CHST3: variants seen among roughly 807,000 people sequenced by gnomAD.
CHST3 encodes the protein carbohydrate sulfotransferase 3.
In CHST3, 20 loss-of-function variants were observed where a neutral mutation model predicts 35.4. The observed-to-expected ratio is 0.57, with a 90% CI of 0.40 to 0.82. CHST3 has a LOEUF of 0.82. Ranked by LOEUF, CHST3 falls within the 40% of genes least tolerant of loss-of-function variation. The pLI, the probability that CHST3 is intolerant of heterozygous loss-of-function variation, is 0.00. For synonymous variants in CHST3, 334 were observed against 295.9 expected, an observed-to-expected ratio of 1.13 and a Z score of -1.32; for missense variants, 693 against 670.1, an observed-to-expected ratio of 1.03 and a Z score of -0.38.
intron 1 of CHST3, among the ~76,000 whole-genome samples, chr10:71,984,037 T>G (rs559559937): frequency 5.9e-5 from 9 of 152,344 alleles, no homozygotes; most frequent in African/African-American, 2.2e-4. Flanking sequence ...TGTTTGTTTG[T>G]TTTGAGACAC....
At chr10:71,970,183 G>A (rs1453885017) in intron 1 of CHST3, among the ~76,000 whole-genome samples, 1 of 152,090 alleles carries the variant, frequency 6.6e-6, no homozygotes, top group Admixed American at 6.5e-5. Flanking sequence ...GGGCAGGGTG[G>A]GCCCCGGGAG....
At chr10:71,967,567 T>G (rs1017216699) in intron 1 of CHST3, among the ~76,000 whole-genome samples, 3 of 152,236 alleles carry the variant, frequency 2.0e-5, no homozygotes. Context: ...CTTTATCTGG[T>G]CTACCGTTGA....
rs1409087120 is a variant in CHST3, at chr10:72,013,147, A to G, written c.*4676A>G. 1 of 152,176 alleles carries G rather than the reference A, an allele frequency of 6.6e-6. No homozygotes were observed. Among genetic ancestry groups the G allele is most frequent in the East Asian group, 1.9e-4 (1 of 5,202 alleles). The allele number at this position is 152,176 out of a possible 1,614,324, so 9.4% of individuals were successfully genotyped here. ...CATCTCAGCTGTATATTCTAGTCCAAATTTTCCTGGCTCCCCTGCTCCCTC... is the reference window on the plus strand; with the variant it reads ...CATCTCAGCTGTATATTCTAGTCCAGATTTTCCTGGCTCCCCTGCTCCCTC... On this transcript the variant is annotated 3_prime_UTR_variant, in exon 3 of 3. Coordinates refer to ENST00000373115, the MANE Select transcript of CHST3 (RefSeq NM_004273.5).
chr10:72,012,789 G>T lies in CHST3; in HGVS notation c.*4318G>T, dbSNP rs1387730042. 2 of 152,316 alleles carry T rather than the reference G, an allele frequency of 1.3e-5. No homozygotes were observed. The highest frequency in any genetic ancestry group is 2.9e-5 in the Non-Finnish European group (2 of 68,126). The allele number at this position is 152,316 out of a possible 1,614,324, so 9.4% of individuals were successfully genotyped here. A position where few individuals can be genotyped will look rare whatever the true frequency, so the allele number is the denominator to read the frequency against. Reference sequence around the variant, plus strand: ...ACAAGGCGCAGCCAGATGGAAGGGAGAGGGTCCAGGGCTTCCTAAATGCAG... The same window carrying T: ...ACAAGGCGCAGCCAGATGGAAGGGATAGGGTCCAGGGCTTCCTAAATGCAG... On this transcript the variant is annotated 3_prime_UTR_variant, in exon 3 of 3. Transcript: ENST00000373115.
chr10:71,967,142 A>T (rs540321237), intron 1 of CHST3, among the ~76,000 whole-genome samples: 1 of 152,128 alleles, frequency 6.6e-6, no homozygotes. Context: ...AGCTGGCACC[A>T]CCATGCCTGA....
rs76034296 is a variant in CHST3, at chr10:71,996,905, T to G, written c.-107-8831T>G. Among the ~76,000 whole-genome samples the G allele has an allele frequency of 1.7e-4, 26 of 152,090 alleles. 1 individual carries two copies. In the East Asian group the frequency reaches 4.3e-3, roughly 25 times the overall value. On this transcript the variant is annotated intron_variant, in intron 1 of 2. Coordinates refer to ENST00000373115, the MANE Select transcript of CHST3 (RefSeq NM_004273.5). ...GGGTATTTTCCTGGGTTGGTTGGTT[T>G]GTTTTGTTTTTTGTTTTGTTTTGTT...
intron 1 of CHST3, among the ~76,000 whole-genome samples, 152 bp downstream of exon 1, chr10:71,964,846 G>C (rs1262235377): frequency 6.6e-6 from 1 of 152,210 alleles, no homozygotes; most frequent in East Asian, 1.9e-4. Flanking sequence ...TCCCAGCTCG[G>C]GGAAAAGCCC....
rs780204389 is a variant in CHST3 at position 72,007,885 on chromosome 10, C to T, written c.854C>T (p.Pro285Leu). ...VRIRQLEFLQ[P>L]LAEDPRLDLR... ...ATCCGGCAGCTGGAGTTCCTGCAGCCGCTGGCCGAGGACCCCCGCCTGGAC... is the reference window on the plus strand; with the variant it reads ...ATCCGGCAGCTGGAGTTCCTGCAGCTGCTGGCCGAGGACCCCCGCCTGGAC... The change falls in exon 3 of 3, where the codon CCG becomes CTG. Residue 285 changes from proline to leucine, a missense_variant. Coordinates refer to ENST00000373115, the MANE Select transcript of CHST3 (RefSeq NM_004273.5). 3.8e-6 allele frequency: 6 copies of T among 1,587,312 alleles called. No homozygotes were observed. In the East Asian group the frequency reaches 6.9e-5, roughly 18 times the overall value.
chr10:71,989,608 A>T (rs1271442444), intron 1 of CHST3, among the ~76,000 whole-genome samples: 2 of 152,214 alleles, frequency 1.3e-5, no homozygotes, highest in African/African-American at 4.8e-5. Context: ...ATTGGGACAC[A>T]ACTCCATATG....
rs12248756 is a variant in CHST3 at position 71,977,545 on chromosome 10, C to G, written c.-108+12851C>G. Among the ~76,000 whole-genome samples, 783 of 151,340 alleles carry G rather than the reference C, an allele frequency of 5.2e-3. 10 individuals carry two copies. Among genetic ancestry groups the G allele is most frequent in the African/African-American group, 0.018 (742 of 41,120 alleles). On this transcript the variant is annotated intron_variant, in intron 1 of 2. Coordinates refer to ENST00000373115, the MANE Select transcript of CHST3 (RefSeq NM_004273.5). ...GCTCACTGCAGCCTTGACCTCCCAA[C>G]CTCAAGTGATCCTCCCACCTCAGCC...
chr10:72,000,342 C>T (rs554391244), intron 1 of CHST3, among the ~76,000 whole-genome samples: 4 of 152,176 alleles, frequency 2.6e-5, no homozygotes, highest in South Asian at 2.1e-4. Flanking sequence ...TCTCCTCTCC[C>T]GGAGTCAACG....
chr10:72,007,126 G>T (rs763906569), intron 2 of CHST3, 46 bp from the exon 3 acceptor site: 1 of 1,603,926 alleles, frequency 6.2e-7, no homozygotes, highest in Admixed American at 1.7e-5. Flanking sequence ...CCCAGGAGAC[G>T]GGGTCCCCAG....
chr10:71,976,159 A>T (rs958457766), intron 1 of CHST3, among the ~76,000 whole-genome samples: 1 of 152,142 alleles, frequency 6.6e-6, no homozygotes, highest in Non-Finnish European at 1.5e-5. Context: ...GGGTAGGAGA[A>T]AAGCTCTTGG....
Position 72,008,204 on chromosome 10 carries a change from C to A in CHST3, c.1173C>A (p.Ile391=), listed in dbSNP as rs115579748. The change falls in exon 3 of 3, where the codon ATC becomes ATA. Residue 391 remains isoleucine, a synonymous_variant. Transcript: ENST00000373115. ...KAREMYRFAG[I]PLTPQVEDWI... is the part of the protein sequence containing the mutation. The stretch of plus-strand genomic sequence containing the variant: ...GCGAGATGTACCGCTTCGCCGGCAT[C>A]CCCCTGACCCCGCAGGTGGAAGACT... 1.4e-3 allele frequency: 2,207 copies of A among 1,551,900 alleles called. 32 individuals are homozygous for A. The African/African-American group carries it at 0.026, about 18-fold the overall frequency.
In CHST3 at chr10:72,008,492, C is replaced by A. The variant is rs1320999930; in HGVS notation, c.*21C>A. The A allele has an allele frequency of 1.2e-5, 18 of 1,496,024 alleles. No individual in the cohort carries two copies. The highest frequency in any genetic ancestry group is 1.6e-5 in the Non-Finnish European group (18 of 1,121,336). 92.7% of individuals were successfully genotyped at this position (1,496,024 alleles called of 1,614,324 possible). A position where few individuals can be genotyped will look rare whatever the true frequency, so the allele number is the denominator to read the frequency against. ...CGTAGGGGGGCCGGGGCCCCGTATG[C>A]CCCTCCTCGTGAAAGGCCTGCCCCG... On this transcript the variant is annotated 3_prime_UTR_variant, in exon 3 of 3. Transcript: ENST00000373115.
At position 72,005,868 on chromosome 10, in the gene CHST3, A is replaced by T. The variant is rs1840033461; in HGVS notation, c.26A>T (p.Gln9Leu). The T allele has an allele frequency of 6.2e-7, 1 of 1,614,232 alleles. No homozygotes were observed. The change falls in exon 2 of 3, where the codon CAG becomes CTG. Residue 9 changes from glutamine to leucine, a missense_variant. Coordinates refer to ENST00000373115, the MANE Select transcript of CHST3 (RefSeq NM_004273.5). The stretch of plus-strand genomic sequence containing the variant: ...ATGGAGAAAGGACTCACTTTGCCCC[A>T]GGACTGCCGGGACTTTGTGCACAGC... MEKGLTLPQDCRDFVHSLK... is the reference protein window; with the variant it reads MEKGLTLPLDCRDFVHSLK...
At position 72,007,668 on chromosome 10, in the gene CHST3, G is replaced by A. The variant is rs1186050193; in HGVS notation, c.637G>A (p.Asp213Asn). The A allele has an allele frequency of 6.2e-7, 1 of 1,609,160 alleles. No homozygotes were observed. Among genetic ancestry groups the A allele is most frequent in the Non-Finnish European group, 8.5e-7 (1 of 1,179,548 alleles). The change falls in exon 3 of 3, where the codon GAC becomes AAC. Residue 213 changes from aspartate to asparagine, a missense_variant. Physicochemically the swap from Asp to Asn is conservative, Grantham distance 23 (BLOSUM62 1). Transcript: ENST00000373115. ...LEHFITPLPE[D>N]HLTQFMFRRG... ...GCACTTCATCACGCCGCTGCCCGAGGACCACCTGACTCAGTTCATGTTCCG... is the reference window on the plus strand; with the variant it reads ...GCACTTCATCACGCCGCTGCCCGAGAACCACCTGACTCAGTTCATGTTCCG...
intron 1 of CHST3, among the ~76,000 whole-genome samples, chr10:71,977,448 ATT>A (rs10554998): frequency 0.36 from 46,545 of 128,626 alleles, 8,034 homozygotes; most frequent in Non-Finnish European, 0.45. Context: ...CCTAAGCTCG[ATT>A]TTTTTTTTTT....
At chr10:71,982,402 T>C (rs911821038) in intron 1 of CHST3, among the ~76,000 whole-genome samples, 16 of 152,218 alleles carry the variant, frequency 1.1e-4, no homozygotes, top group African/African-American at 3.1e-4. Context: ...GGCACCTTCA[T>C]GTTAAGTCAG....
Sources: allele counts gnomAD v4.1 joint callset (sites outside exome capture counted in the v4.1 genomes callset), GRCh38; gene constraint gnomAD v4.1.1; transcripts MANE v1.5; gene names NCBI Gene and HGNC (gene_info 2026-07-23, HGNC 2026-07-21).